ERG: variants seen among roughly 807,000 people sequenced by gnomAD.
The protein encoded by ERG is ETS transcription factor ERG, also known as transcriptional regulator ERG.
ERG carries 9 observed loss-of-function variants against 55.3 expected under a neutral mutation model. That is an observed-to-expected ratio of 0.16 (90% confidence interval 0.10 to 0.28). ERG has a LOEUF of 0.28. Ranked by LOEUF, ERG falls within the 10% of genes least tolerant of loss-of-function variation. The pLI is 1.00. For missense variants in ERG, 434 were observed against 631.6 expected (o/e 0.69, Z 3.35); for synonymous variants, 223 against 237.3 (o/e 0.94, Z 0.55).
At chr21:38,477,007 C>CTTTTT (rs397867221) in intron 1 of ERG, among the ~76,000 whole-genome samples, 86 of 84,164 alleles carry the variant, frequency 1.0e-3, no homozygotes, top group East Asian at 1.6e-3. Flanking sequence ...TCTTTCTTTC[C>CTTTTT]TTTTTTTTTT....
At chr21:38,506,294 T>C (rs887118744) in intron 2 of ERG, among the ~76,000 whole-genome samples, 15 of 152,178 alleles carry the variant, frequency 9.9e-5, no homozygotes, top group Non-Finnish European at 2.2e-4. Context: ...GTATGTTTGT[T>C]TTCTCTGTAC....
intron 2 of ERG, among the ~76,000 whole-genome samples, chr21:38,427,802 A>G (rs1440827856): frequency 6.6e-6 from 1 of 152,208 alleles, no homozygotes; most frequent in African/African-American, 2.4e-5. Context: ...AAGCATGTGC[A>G]TGACACAAAC....
chr21:38,437,954 A>C (rs557202375), intron 2 of ERG, among the ~76,000 whole-genome samples: 3 of 152,120 alleles, frequency 2.0e-5, no homozygotes, highest in African/African-American at 7.2e-5. Context: ...TGATTTCTGA[A>C]CTCACCAGAA....
Position 38,384,038 on chromosome 21 carries a change from C to G in ERG, c.920-115G>C, listed in dbSNP as rs1462198075. 2.2e-6 allele frequency: 3 copies of G among 1,369,102 alleles called. No homozygotes were observed. In the African/African-American group the frequency reaches 4.4e-5, roughly 20 times the overall value. 84.8% of individuals were successfully genotyped at this position (1,369,102 alleles called of 1,614,324 possible). A position where few individuals can be genotyped will look rare whatever the true frequency, so the allele number is the denominator to read the frequency against. ...GGTGTGCCGCCCACATTCCCTTCAC[C>G]AGGCCTGTCCGTCCATCCCTCAGCT... On this transcript the variant is annotated intron_variant, in intron 9 of 9. Transcript: ENST00000288319.
chr21:38,545,507 T>G (rs1051991415), intron 2 of ERG, among the ~76,000 whole-genome samples: 5 of 152,212 alleles, frequency 3.3e-5, no homozygotes, highest in South Asian at 2.1e-4. Context: ...TCCCTTTCTC[T>G]GTGACGGATA....
intron 1 of ERG, among the ~76,000 whole-genome samples, chr21:38,655,600 G>A (rs2060514133): frequency 6.6e-6 from 1 of 152,202 alleles, no homozygotes; most frequent in South Asian, 2.1e-4. Flanking sequence ...TGTGAGGGGT[G>A]ACATCTGACT....
chr21:38,659,963 T>C (rs1324539008), intron 1 of ERG, among the ~76,000 whole-genome samples: 1 of 152,194 alleles, frequency 6.6e-6, no homozygotes, highest in Non-Finnish European at 1.5e-5. Flanking sequence ...GGTGGTAAAC[T>C]GGAGGCAAAT....
At chr21:38,576,811 C>G (rs1240812838) in intron 1 of ERG, among the ~76,000 whole-genome samples, 1 of 152,038 alleles carries the variant, frequency 6.6e-6, no homozygotes, top group African/African-American at 2.4e-5. Flanking sequence ...CGACACCTGC[C>G]GCCCAACCTC....
chr21:38,475,135 C>T (rs1038007082), intron 1 of ERG, among the ~76,000 whole-genome samples: 3 of 152,058 alleles, frequency 2.0e-5, no homozygotes, highest in Non-Finnish European at 4.4e-5. Flanking sequence ...ACATAATGCA[C>T]CAAATGGCCT....
At chr21:38,443,778 A>C (rs2146551389) in intron 2 of ERG, among the ~76,000 whole-genome samples, 1 of 150,660 alleles carries the variant, frequency 6.6e-6, no homozygotes, top group South Asian at 2.1e-4. Flanking sequence ...AGATTCAAAA[A>C]TATTTACATG....
At chr21:38,625,146 CAT>C (rs2060316751) in intron 1 of ERG, among the ~76,000 whole-genome samples, 1 of 152,038 alleles carries the variant, frequency 6.6e-6, no homozygotes, top group African/African-American at 2.4e-5. Context: ...CTATCCAAAC[CAT>C]ATGGCATAAA....
At chr21:38,500,637 T>A (rs1184505471), upstream of ERG, among the ~76,000 whole-genome samples, 2 of 152,226 alleles carry the variant, frequency 1.3e-5, no homozygotes, top group Non-Finnish European at 2.9e-5. Flanking sequence ...TCTCCCATAT[T>A]TATTTATGTA....
chr21:38,597,330 C>G (rs763245903), intron 1 of ERG, among the ~76,000 whole-genome samples: 40 of 152,008 alleles, frequency 2.6e-4, no homozygotes, highest in Admixed American at 1.1e-3. Context: ...ACATATACAT[C>G]CATACATAGA....
downstream of ERG, among the ~76,000 whole-genome samples, chr21:38,376,484 C>A (rs1177850177): frequency 6.6e-6 from 1 of 152,248 alleles, no homozygotes; most frequent in Admixed American, 6.5e-5. Flanking sequence ...TTCCCAACCA[C>A]ATCAGTGAAA....
intron 1 of ERG, among the ~76,000 whole-genome samples, chr21:38,476,390 G>C (rs545445376): frequency 2.6e-5 from 4 of 152,132 alleles, no homozygotes; most frequent in East Asian, 1.9e-4. Flanking sequence ...CTGGCTCTTC[G>C]TAACACCAGC....
At position 38,624,523 on chromosome 21, in the gene ERG, A is replaced by G. The variant is rs992940862; in HGVS notation, c.-150+37135T>C. Among the ~76,000 whole-genome samples the G allele has an allele frequency of 3.9e-5, 6 of 152,322 alleles. No individual in the cohort carries two copies. The East Asian group carries it at 9.6e-4, about 24-fold the overall frequency. On this transcript the variant is annotated intron_variant, in intron 1 of 10. Transcript: ENST00000398910. ...GAACTCCTGCCTGCCCCTTAGACAC[A>G]GTTCATGCACCAGCTCTGCTGGGAG...
upstream of ERG, among the ~76,000 whole-genome samples, chr21:38,503,404 C>A (rs1381321164): frequency 6.7e-6 from 1 of 149,340 alleles, no homozygotes; most frequent in Non-Finnish European, 1.5e-5. Flanking sequence ...AACCCAGAAA[C>A]GCTCAAGAGT....
At chr21:38,589,562 G>A (rs115374584), upstream of ERG, among the ~76,000 whole-genome samples, 720 of 152,254 alleles carry the variant, frequency 4.7e-3, 4 homozygotes, top group African/African-American at 0.016. Flanking sequence ...ATATAATTCT[G>A]GTCAGTCTAA....
chr21:38,622,942 C>T (rs554208463), intron 1 of ERG, among the ~76,000 whole-genome samples: 5 of 9,578 alleles, frequency 5.2e-4, no homozygotes, highest in Admixed American at 1.8e-3. Context: ...CACACACACA[C>T]ACACACACAC....
Sources: allele counts gnomAD v4.1 joint callset (sites outside exome capture counted in the v4.1 genomes callset), GRCh38; gene constraint gnomAD v4.1.1; transcripts MANE v1.5; gene names NCBI Gene and HGNC (gene_info 2026-07-23, HGNC 2026-07-21).